FBN2: variants seen among roughly 807,000 people sequenced by gnomAD.
The protein encoded by FBN2 is fibrillin 2, also known as fibrillin-2.
FBN2 carries 105 observed loss-of-function variants against 355.6 expected under a neutral mutation model. The observed-to-expected ratio is 0.30, with a 90% CI of 0.25 to 0.35. FBN2 has a LOEUF of 0.35. FBN2 is among the 10% of genes least tolerant of loss of function. FBN2 has a pLI of 1.00. For missense variants in FBN2, 3,280 were observed against 3,758.7 expected, an observed-to-expected ratio of 0.87 and a Z score of 3.33; for synonymous variants, 1,350 against 1,301.2, an observed-to-expected ratio of 1.04 and a Z score of -0.81.
intron 55 of FBN2, among the ~76,000 whole-genome samples, chr5:128,281,329 G>A (rs1765538983): frequency 6.6e-6 from 1 of 152,102 alleles, no homozygotes; most frequent in South Asian, 2.1e-4. Flanking sequence ...TTTTCCCTAT[G>A]AACTCATATT....
chr5:128,345,591 C>G lies in FBN2; in HGVS notation c.2990-7G>C, dbSNP rs1245936560. 5 of 1,609,266 alleles carry G rather than the reference C, an allele frequency of 3.1e-6. No homozygotes were observed. Among genetic ancestry groups the G allele is most frequent in the East Asian group, 2.2e-5 (1 of 44,848 alleles). Reference sequence around the variant, plus strand: ...CACTGCTCCATGCGAATATCTACACCGAGAACGAAATCACAGGGTGAGAAT... The same window carrying G: ...CACTGCTCCATGCGAATATCTACACGGAGAACGAAATCACAGGGTGAGAAT... On this transcript the variant is annotated splice_region_variant and splice_polypyrimidine_tract_variant and intron_variant, in intron 23 of 64. Transcript: ENST00000262464.
chr5:128,298,909 C>A (rs1227340814), intron 48 of FBN2, among the ~76,000 whole-genome samples: 2 of 152,150 alleles, frequency 1.3e-5, no homozygotes, highest in Admixed American at 6.5e-5. Context: ...GGAGGAGAGG[C>A]GCTCTGCTTT....
intron 8 of FBN2, among the ~76,000 whole-genome samples, chr5:128,395,623 AT>A (rs1472521320): frequency 6.6e-6 from 1 of 152,210 alleles, no homozygotes; most frequent in Admixed American, 6.5e-5. Flanking sequence ...CTGACTGATG[AT>A]TTTATAAAAG....
At chr5:128,381,027 AT>A (rs957673791) in intron 11 of FBN2, among the ~76,000 whole-genome samples, 2 of 152,104 alleles carry the variant, frequency 1.3e-5, no homozygotes, top group African/African-American at 4.8e-5. Context: ...GCTAAGAAAT[AT>A]TTTCCCTTGA....
intron 41 of FBN2, 73 bp from the exon 42 acceptor site, chr5:128,307,276 T>C: frequency 1.1e-6 from 1 of 879,170 alleles, no homozygotes; most frequent in Admixed American, 1.7e-5. Flanking sequence ...TGTATTACTT[T>C]CACAAACAAA....
chr5:128,339,504 G>A (rs529193805), intron 25 of FBN2, among the ~76,000 whole-genome samples: 3 of 152,186 alleles, frequency 2.0e-5, no homozygotes, highest in East Asian at 3.9e-4. Context: ...GAGCCCAAGA[G>A]GTCAAGGCTG....
intron 5 of FBN2, among the ~76,000 whole-genome samples, chr5:128,487,640 A>T (rs1016665432): frequency 6.6e-6 from 1 of 152,200 alleles, no homozygotes; most frequent in African/African-American, 2.4e-5. Context: ...AGTGACTAGC[A>T]GATGAGAGCT....
chr5:128,517,072 AT>A (rs937749936), intron 5 of FBN2, among the ~76,000 whole-genome samples: 2 of 151,956 alleles, frequency 1.3e-5, no homozygotes, highest in Admixed American at 6.6e-5. Flanking sequence ...TAATCTTACA[AT>A]TTTTTTTGGA....
chr5:128,320,162 T>C lies in FBN2; in HGVS notation c.4472-1161A>G, dbSNP rs575009395. On this transcript the variant is annotated intron_variant, in intron 34 of 64. Coordinates refer to ENST00000262464, the MANE Select transcript of FBN2 (RefSeq NM_001999.4). ...AAAAACTCTTTAAGCTAGATTACAATTGAATTGTGTTAATTTATACTCAAA... is the reference window on the plus strand; with the variant it reads ...AAAAACTCTTTAAGCTAGATTACAACTGAATTGTGTTAATTTATACTCAAA... Among the ~76,000 whole-genome samples, 30 of 152,278 alleles carry C rather than the reference T, an allele frequency of 2.0e-4. 1 individual carries two copies. In the South Asian group the frequency reaches 5.6e-3, roughly 28 times the overall value.
chr5:128,278,804 C>T lies in FBN2; in HGVS notation c.7176G>A (p.Gln2392=), dbSNP rs774989664. Residue 2392 remains glutamine (Q), a synonymous_variant, in exon 57 of 65, where the codon CAG becomes CAA. Transcript: ENST00000262464. ...TACTGGATGCCATTTGACATATTGT[C>T]TGCAGTACCTCTGCAAAGCAGAGAC... ...RQGLCFAEVL[Q]TICQMASSSR... is the part of the protein sequence containing the mutation. The T allele has an allele frequency of 7.4e-6, 12 of 1,613,846 alleles. No individual in the cohort carries two copies. The East Asian group carries it at 2.2e-4, about 30-fold the overall frequency.
In FBN2 at chr5:128,462,594, C is replaced by T. The variant is rs533894709; in HGVS notation, c.826+2130G>A. On this transcript the variant is annotated intron_variant, in intron 6 of 64. Transcript: ENST00000262464. ...TGGAGCCTGAAACTTATCTTTGATG[C>T]ATAAACCAAATCAAATAAGTAATCC... 4.6e-5 allele frequency among the ~76,000 whole-genome samples: 7 copies of T among 152,212 alleles called. No individual in the cohort carries two copies. In the East Asian group the frequency reaches 1.4e-3, roughly 29 times the overall value.
At chr5:128,409,933 G>T (rs936016466) in intron 7 of FBN2, among the ~76,000 whole-genome samples, 2 of 151,964 alleles carry the variant, frequency 1.3e-5, no homozygotes, top group Non-Finnish European at 2.9e-5. Context: ...TCCTTTTATT[G>T]GTCTATTCAT....
chr5:128,368,435 C>CAT (rs1163347083), intron 16 of FBN2, among the ~76,000 whole-genome samples: 1 of 136,972 alleles, frequency 7.3e-6, no homozygotes, highest in African/African-American at 2.6e-5. Context: ...TATATATATA[C>CAT]ACATATATAC....
rs144434744 is a variant in FBN2 at position 128,485,413 on chromosome 5, T to C, written c.629-20492A>G. Among the ~76,000 whole-genome samples, 128 of 152,274 alleles carry C rather than the reference T, an allele frequency of 8.4e-4. 1 individual carries two copies. In the East Asian group the frequency reaches 0.017, roughly 20 times the overall value. The stretch of plus-strand genomic sequence containing the variant: ...ATCTAAATGTCTATTAGTGAAAGAA[T>C]GAATATGCAAATTGCTGTACATTTA... On this transcript the variant is annotated intron_variant, in intron 5 of 64. Transcript: ENST00000262464.
At position 128,384,036 on chromosome 5, in the gene FBN2, G is replaced by C. The variant is rs925838175; in HGVS notation, c.1604-5146C>G. 3.9e-5 allele frequency among the ~76,000 whole-genome samples: 6 copies of C among 152,116 alleles called. No individual in the cohort carries two copies. In the Middle Eastern group the frequency reaches 0.01, roughly 259 times the overall value. ...TACACAGAAACTGGAAACAAAATAA[G>C]TGCCCATCAACTTGGGAATATATAA... On this transcript the variant is annotated intron_variant, in intron 11 of 64. Transcript: ENST00000262464.
Position 128,318,039 on chromosome 5 carries a change from G to A in FBN2, c.4717+110C>T, listed in dbSNP as rs1750258708. The A allele has an allele frequency of 6.9e-6, 8 of 1,159,976 alleles. No homozygotes were observed. In the South Asian group the frequency reaches 1.0e-4, roughly 15 times the overall value. The allele number at this position is 1,159,976 out of a possible 1,614,324, so 71.9% of individuals were successfully genotyped here. On this transcript the variant is annotated intron_variant, in intron 36 of 64. Coordinates refer to ENST00000262464, the MANE Select transcript of FBN2 (RefSeq NM_001999.4). ...AACACAATAAAGGCGACCACATAAT[G>A]TTTTGTTTTTAAGTTAACTGTAGCA...
intron 35 of FBN2, 41 bp from the exon 36 acceptor site, chr5:128,318,312 T>C: frequency 1.9e-5 from 30 of 1,611,802 alleles, no homozygotes; most frequent in Non-Finnish European, 2.5e-5. Context: ...CCATTTTTAC[T>C]TTTTCTGTGC....
intron 4 of FBN2, among the ~76,000 whole-genome samples, chr5:128,521,758 C>T (rs896581068): frequency 1.3e-5 from 2 of 152,114 alleles, no homozygotes; most frequent in Admixed American, 6.5e-5. Flanking sequence ...ACACAACCTC[C>T]GGTAAATGGA....
chr5:128,449,924 G>T (rs752895168), intron 6 of FBN2, among the ~76,000 whole-genome samples: 92 of 152,082 alleles, frequency 6.0e-4, no homozygotes, highest in Non-Finnish European at 1.2e-3. Flanking sequence ...AAGTAATAAA[G>T]TGTGTGGATA....
Sources: gnomAD v4.1 joint callset for allele counts (sites outside exome capture counted in the v4.1 genomes callset) on GRCh38, gnomAD v4.1.1 for gene constraint, MANE v1.5 for transcripts, NCBI Gene and HGNC (gene_info 2026-07-23, HGNC 2026-07-21) for gene names.